The following POLDIP3 variants were observed in gnomAD, a reference collection of about 807,000 sequenced individuals.
POLDIP3 encodes DNA polymerase delta interacting protein 3.
A neutral mutation model predicts 45.1 loss-of-function variants in POLDIP3; 14 were observed. That is an observed-to-expected ratio of 0.31 (90% confidence interval 0.20 to 0.49). The LOEUF is 0.49. POLDIP3 is among the 20% of genes least tolerant of loss of function. The probability of loss-of-function intolerance (pLI) is 0.99; values close to 1 mark genes in which losing one functional copy is unlikely to be tolerated. For synonymous variants in POLDIP3, 223 were observed against 205.2 expected (o/e 1.09, Z -0.74); for missense variants, 511 against 538.8 (o/e 0.95, Z 0.51).
chr22:42,596,586 G>A (rs1757132642), intron 4 of POLDIP3, among the ~76,000 whole-genome samples: 1 of 152,160 alleles, frequency 6.6e-6, no homozygotes, highest in South Asian at 2.1e-4. Flanking sequence ...CGCACTCACA[G>A]AAGCCACTCC....
At chr22:42,587,015 AG>A (rs1271081340) in intron 8 of POLDIP3, among the ~76,000 whole-genome samples, 1 of 152,150 alleles carries the variant, frequency 6.6e-6, no homozygotes, top group Non-Finnish European at 1.5e-5. Flanking sequence ...GGCTGAGGGG[AG>A]AGGGTTGCTT....
chr22:42,598,367 C>A (rs1926132679), intron 4 of POLDIP3, among the ~76,000 whole-genome samples: 1 of 151,768 alleles, frequency 6.6e-6, no homozygotes, highest in South Asian at 2.1e-4. Context: ...TCTCCTGCCT[C>A]AGCCTCTAGA....
chr22:42,605,431 T>C (rs1014440161), intron 1 of POLDIP3, among the ~76,000 whole-genome samples: 2 of 152,254 alleles, frequency 1.3e-5, no homozygotes, highest in African/African-American at 4.8e-5. Context: ...CGGCAGTTTC[T>C]GTTTTTTATA....
Position 42,614,827 on chromosome 22 carries a change from T to C in POLDIP3, c.31A>G (p.Arg11Gly), listed in dbSNP as rs1363317359. The change falls in exon 1 of 9, where the codon AGG (arginine) becomes GGG (glycine). Residue 11 changes from arginine (R) to glycine (G), a missense_variant. Physicochemically the swap from Arg to Gly is moderately radical, Grantham distance 125. Around this residue, in one of 4 missense-constraint regions of POLDIP3, gnomAD observed 378 missense variants for 352.3 expected, o/e 1.07. Coordinates refer to ENST00000252115, the MANE Select transcript of POLDIP3 (RefSeq NM_032311.5). MADISLDELIRKRGAAAKGRL... is the reference protein window; with the variant it reads MADISLDELIGKRGAAAKGRL... ...CCTTTCGCCGCCGCCCCGCGCTTCC[T>C]GATGAGTTCGTCCAGGGAGATGTCC... 4 of 1,613,920 alleles carry C rather than the reference T, an allele frequency of 2.5e-6. No homozygotes were observed. Among genetic ancestry groups the C allele is most frequent in the Non-Finnish European group, 3.4e-6 (4 of 1,179,946 alleles).
intron 1 of POLDIP3, among the ~76,000 whole-genome samples, chr22:42,611,391 C>T (rs1569307176): frequency 6.6e-6 from 1 of 152,184 alleles, no homozygotes; most frequent in Non-Finnish European, 1.5e-5. Flanking sequence ...AGAACAAGCA[C>T]ATTCCACAAA....
At chr22:42,602,646 A>C (rs1926467663) in intron 2 of POLDIP3, 124 bp downstream of exon 2, 2 of 1,141,690 alleles carry the variant, frequency 1.8e-6, no homozygotes, top group African/African-American at 1.6e-5. Flanking sequence ...TGTAAGGAGC[A>C]AAGTCTGTAT....
At chr22:42,588,944 T>C (rs563273880) in intron 7 of POLDIP3, among the ~76,000 whole-genome samples, 4 of 152,108 alleles carry the variant, frequency 2.6e-5, no homozygotes, top group South Asian at 2.1e-4. Context: ...GAGAAAAAGA[T>C]TGAAAGTAAG....
At chr22:42,590,308 C>A (rs937479001) in intron 7 of POLDIP3, among the ~76,000 whole-genome samples, 3 of 152,210 alleles carry the variant, frequency 2.0e-5, no homozygotes, top group African/African-American at 7.2e-5. Flanking sequence ...CCCACCTCAG[C>A]CTCCCCAGCA....
intron 7 of POLDIP3, among the ~76,000 whole-genome samples, chr22:42,590,774 C>T (rs956070664): frequency 4.6e-5 from 7 of 152,182 alleles, no homozygotes; most frequent in Non-Finnish European, 1.0e-4. Context: ...TCTGTACAGG[C>T]ATTTCTCCAA....
chr22:42,599,883 T>C (rs1449103949), intron 3 of POLDIP3, 90 bp from the exon 4 acceptor site: 2 of 955,728 alleles, frequency 2.1e-6, no homozygotes, highest in East Asian at 2.6e-5. Context: ...AAATGGCTGC[T>C]GGAGAAACAA....
intron 3 of POLDIP3, among the ~76,000 whole-genome samples, chr22:42,600,454 G>A (rs917725045): frequency 6.6e-6 from 1 of 151,324 alleles, no homozygotes; most frequent in African/African-American, 2.4e-5. Flanking sequence ...GTGAAACCCC[G>A]TCTCTACGAA....
At chr22:42,592,830 A>G (rs1351703395) in intron 6 of POLDIP3, among the ~76,000 whole-genome samples, 1 of 152,216 alleles carries the variant, frequency 6.6e-6, no homozygotes, top group African/African-American at 2.4e-5. Context: ...CCAGAGAGGG[A>G]GCAAAATGTG....
intron 6 of POLDIP3, among the ~76,000 whole-genome samples, chr22:42,592,909 T>C (rs921087967): frequency 6.6e-6 from 1 of 152,218 alleles, no homozygotes; most frequent in African/African-American, 2.4e-5. Context: ...AAGGTTGCTG[T>C]GAGGGCCAAA....
intron 6 of POLDIP3, 25 bp downstream of exon 6, chr22:42,595,512 A>C (rs772780623): frequency 1.2e-6 from 2 of 1,605,862 alleles, no homozygotes; most frequent in South Asian, 2.2e-5. Flanking sequence ...TGAGATTTAA[A>C]TGTTTGGTAG....
At chr22:42,598,851 T>G (rs1926166610) in intron 4 of POLDIP3, among the ~76,000 whole-genome samples, 1 of 152,218 alleles carries the variant, frequency 6.6e-6, no homozygotes, top group African/African-American at 2.4e-5. Flanking sequence ...ACCACTGAGC[T>G]GAGCAGCATG....
chr22:42,607,974 G>T (rs1304792224), intron 1 of POLDIP3, among the ~76,000 whole-genome samples: 1 of 150,890 alleles, frequency 6.6e-6, no homozygotes, highest in African/African-American at 2.4e-5. Context: ...CCCTGTTCGG[G>T]AGGTGGGGGG....
chr22:42,605,037 G>A (rs1393490078), intron 1 of POLDIP3, among the ~76,000 whole-genome samples: 2 of 152,216 alleles, frequency 1.3e-5, no homozygotes, highest in African/African-American at 4.8e-5. Flanking sequence ...CAACCAGGAA[G>A]CAGGCAGGCC....
intron 1 of POLDIP3, among the ~76,000 whole-genome samples, chr22:42,611,393 T>C (rs1232166023): frequency 6.6e-6 from 1 of 152,174 alleles, no homozygotes; most frequent in Admixed American, 6.5e-5. Flanking sequence ...AACAAGCACA[T>C]TCCACAAATG....
chr22:42,614,747 A>C, intron 1 of POLDIP3, 52 bp downstream of exon 1: 1 of 1,590,594 alleles, frequency 6.3e-7, no homozygotes, highest in Admixed American at 1.7e-5. Flanking sequence ...CCCCGCCTCG[A>C]GCTCCACTAG....
Sources: gnomAD v4.1 joint callset for allele counts (sites outside exome capture counted in the v4.1 genomes callset) on GRCh38, gnomAD v4.1.1 for gene constraint, gnomAD v4.1.1 regional missense constraint, MANE v1.5 for transcripts, NCBI Gene and HGNC (gene_info 2026-07-23, HGNC 2026-07-21) for gene names.